The following MDFIC variants were observed in gnomAD, a reference collection of about 807,000 sequenced individuals.
MDFIC encodes MyoD family inhibitor domain containing, also known as myoD family inhibitor domain-containing protein.
Under a neutral mutation model 23.2 loss-of-function variants are expected in MDFIC, and 17 were observed. That is an observed-to-expected ratio of 0.73 (90% CI 0.50 to 1.10). The LOEUF is 1.10. Ranked by LOEUF, MDFIC falls within the 50% of genes least tolerant of loss-of-function variation. The probability of loss-of-function intolerance (pLI) is 0.00; values close to 1 mark genes in which losing one functional copy is unlikely to be tolerated. For missense variants in MDFIC, 356 were observed against 316.6 expected (o/e 1.12, Z -0.95); for synonymous variants, 120 against 115.2 (o/e 1.04, Z -0.27).
intron 4 of MDFIC, among the ~76,000 whole-genome samples, chr7:115,012,448 T>C (rs1024421726): frequency 5.3e-5 from 8 of 152,042 alleles, no homozygotes; most frequent in African/African-American, 1.4e-4. Flanking sequence ...GAATGTGGAG[T>C]AATGAGCACT....
chr7:115,011,163 G>C (rs1057059129), intron 4 of MDFIC, among the ~76,000 whole-genome samples: 3 of 152,240 alleles, frequency 2.0e-5, no homozygotes, highest in Admixed American at 2.0e-4. Context: ...CCTGGGTCCT[G>C]ATCCTGTTTC....
At chr7:114,983,830 C>A (rs1379284795) in intron 4 of MDFIC, among the ~76,000 whole-genome samples, 2 of 151,984 alleles carry the variant, frequency 1.3e-5, no homozygotes, top group Non-Finnish European at 2.9e-5. Flanking sequence ...CTCGGCATCC[C>A]CATCAGGTAC....
intron 3 of MDFIC, among the ~76,000 whole-genome samples, chr7:114,962,651 G>A (rs1793016136): frequency 6.6e-6 from 1 of 152,176 alleles, no homozygotes; most frequent in South Asian, 2.1e-4. Flanking sequence ...GATGTGCAGT[G>A]CTCAGATAAA....
chr7:114,960,474 A>T (rs1051097074), intron 3 of MDFIC, among the ~76,000 whole-genome samples: 1 of 152,088 alleles, frequency 6.6e-6, no homozygotes, highest in Non-Finnish European at 1.5e-5. Context: ...CCTTTTTTTA[A>T]TATAGTCTTA....
intron 4 of MDFIC, among the ~76,000 whole-genome samples, chr7:115,011,202 A>G (rs536355227): frequency 2.7e-4 from 41 of 152,230 alleles, no homozygotes; most frequent in African/African-American, 9.9e-4. Context: ...TGACCTTGGG[A>G]AAATTTCCTA....
intron 2 of MDFIC, among the ~76,000 whole-genome samples, chr7:114,934,587 C>A (rs1231738929): frequency 1.3e-5 from 2 of 152,092 alleles, no homozygotes; most frequent in African/African-American, 4.8e-5. Flanking sequence ...TCTAAATATA[C>A]CATAAGCTTC....
chr7:114,925,165 AT>A (rs1162226135), intron 2 of MDFIC, among the ~76,000 whole-genome samples: 1 of 152,180 alleles, frequency 6.6e-6, no homozygotes, highest in African/African-American at 2.4e-5. Flanking sequence ...CATGAAGGAT[AT>A]GATCAAGTCT....
intron 3 of MDFIC, among the ~76,000 whole-genome samples, chr7:114,962,959 G>C (rs1193018659): frequency 6.6e-6 from 1 of 152,172 alleles, no homozygotes; most frequent in Non-Finnish European, 1.5e-5. Context: ...ATGAATGTAT[G>C]TGTTTCTTTC....
At position 114,948,379 on chromosome 7, in the gene MDFIC, A is replaced by G. The variant is rs377385921; in HGVS notation, c.217+5982A>G. ...TTGAAGAGTTTTCAGTGAAGTTCTT[A>G]TGGTAGTGCTCTGTATAACATTCAT... On this transcript the variant is annotated intron_variant, in intron 3 of 4. Coordinates refer to ENST00000393486, the MANE Select transcript of MDFIC (RefSeq NM_001166345.3). Among the ~76,000 whole-genome samples, 6 of 152,260 alleles carry G rather than the reference A, an allele frequency of 3.9e-5. No individual in the cohort carries two copies. In the East Asian group the frequency reaches 9.6e-4, roughly 24 times the overall value.
chr7:115,010,318 C>A (rs1423872271), intron 4 of MDFIC, among the ~76,000 whole-genome samples: 2 of 151,814 alleles, frequency 1.3e-5, no homozygotes, highest in Non-Finnish European at 2.9e-5. Flanking sequence ...TACCCTGAGT[C>A]ACAGTCAAAC....
At chr7:114,937,894 A>G (rs1792458706) in intron 2 of MDFIC, among the ~76,000 whole-genome samples, 1 of 152,206 alleles carries the variant, frequency 6.6e-6, no homozygotes, top group Non-Finnish European at 1.5e-5. Flanking sequence ...TTTGATATCT[A>G]AAACATATTT....
intron 4 of MDFIC, among the ~76,000 whole-genome samples, chr7:114,993,735 C>T (rs941247215): frequency 6.6e-6 from 1 of 152,144 alleles, no homozygotes; most frequent in African/African-American, 2.4e-5. Context: ...AATTTCTGTT[C>T]TTTTATATTT....
At chr7:114,990,236 C>T (rs1482509808) in intron 4 of MDFIC, among the ~76,000 whole-genome samples, 4 of 152,076 alleles carry the variant, frequency 2.6e-5, no homozygotes. Context: ...ATCTTTTACA[C>T]AGTGATTCTG....
At chr7:114,929,194 C>T (rs531283710) in intron 2 of MDFIC, among the ~76,000 whole-genome samples, 12 of 152,174 alleles carry the variant, frequency 7.9e-5, no homozygotes, top group African/African-American at 2.9e-4. Context: ...GCAACTTCCA[C>T]CTCCCGGGTT....
At chr7:115,000,929 A>G (rs1318338037) in intron 4 of MDFIC, among the ~76,000 whole-genome samples, 1 of 152,124 alleles carries the variant, frequency 6.6e-6, no homozygotes, top group Non-Finnish European at 1.5e-5. Flanking sequence ...TAGGGTTTTC[A>G]GGCAAATCTT....
intron 4 of MDFIC, among the ~76,000 whole-genome samples, chr7:115,013,792 T>G (rs1359425967): frequency 6.6e-6 from 1 of 152,162 alleles, no homozygotes; most frequent in Non-Finnish European, 1.5e-5. Context: ...ATGGAAACAG[T>G]GTTGATAGAG....
intron 4 of MDFIC, among the ~76,000 whole-genome samples, chr7:114,994,314 C>T (rs1390104941): frequency 6.6e-6 from 1 of 151,932 alleles, no homozygotes; most frequent in Non-Finnish European, 1.5e-5. Context: ...ATTTGCCAGT[C>T]CGTGTCTTTT....
intron 4 of MDFIC, among the ~76,000 whole-genome samples, chr7:114,996,350 G>A (rs2116055870): frequency 6.6e-6 from 1 of 152,218 alleles, no homozygotes; most frequent in South Asian, 2.1e-4. Context: ...ATGAGATTTT[G>A]GTGTGAAAGA....
chr7:114,943,126 C>T (rs964875791), intron 3 of MDFIC, among the ~76,000 whole-genome samples: 2 of 152,188 alleles, frequency 1.3e-5, no homozygotes, highest in African/African-American at 2.4e-5. Flanking sequence ...TTGATATTCC[C>T]CTTTGGAGTA....
Sources: gnomAD v4.1 joint callset for allele counts (sites outside exome capture counted in the v4.1 genomes callset) on GRCh38, gnomAD v4.1.1 for gene constraint, MANE v1.5 for transcripts, NCBI Gene and HGNC (gene_info 2026-07-23, HGNC 2026-07-21) for gene names.